Variants in SLC25A48 observed in about 807,000 individuals in gnomAD.
The protein encoded by SLC25A48 is CTC-321K16.1.
SLC25A48 carries 29 observed loss-of-function variants against 32.2 expected under a neutral mutation model. The ratio of observed to expected loss-of-function variants is 0.90; its 90% CI spans 0.67 to 1.23. The LOEUF is 1.23. SLC25A48 is among the 50% of genes most tolerant of loss of function. SLC25A48 has a pLI of 0.00. For synonymous variants in SLC25A48, 164 were observed against 172.3 expected (o/e 0.95, Z 0.38); for missense variants, 399 against 422.7 (o/e 0.94, Z 0.49).
rs1210360128 is a variant in SLC25A48 at position 135,629,870 on chromosome 5, G to T, written c.-709+494G>T. Among the ~76,000 whole-genome samples the T allele has an allele frequency of 6.6e-6, 1 of 152,192 alleles. No individual in the cohort carries two copies. The highest frequency in any genetic ancestry group is 6.5e-5 in the Admixed American group (1 of 15,284). On this transcript the variant is annotated intron_variant, in intron 2 of 10. Transcript: ENST00000646290. The surrounding 1 kb of genome is among the most constrained non-coding windows in gnomAD (Gnocchi z 4.8). ...AAAACCCTAGGGCAGAAACTATCAA[G>T]AACTTGCCGAAAGTAGTTGGAAGTC...
chr5:135,884,828 G>T (rs78544648), intron 7 of SLC25A48, among the ~76,000 whole-genome samples: 4,054 of 152,264 alleles, frequency 0.027, 71 homozygotes, highest in Non-Finnish European at 0.041. Context: ...TCTTCTACTG[G>T]GTGCTCCTGA....
At chr5:135,789,569 G>A (rs1472393865) in intron 3 of SLC25A48, among the ~76,000 whole-genome samples, 1 of 150,302 alleles carries the variant, frequency 6.7e-6, no homozygotes, top group Admixed American at 6.6e-5. Context: ...GTACAACCCT[G>A]TGCGATATGG....
At chr5:135,799,063 T>C (rs1580893092) in intron 3 of SLC25A48, among the ~76,000 whole-genome samples, 1 of 151,766 alleles carries the variant, frequency 6.6e-6, no homozygotes, top group Admixed American at 6.6e-5. Context: ...TTACTCCCAA[T>C]ATCGCAAAGA....
intron 3 of SLC25A48, among the ~76,000 whole-genome samples, chr5:135,656,380 G>A (rs1431223121): frequency 6.6e-6 from 1 of 152,116 alleles, no homozygotes; most frequent in African/African-American, 2.4e-5. Context: ...CCCAGATTGG[G>A]CACCAGACTA....
intron 1 of SLC25A48, among the ~76,000 whole-genome samples, chr5:135,585,614 A>G (rs565611968): frequency 6.6e-6 from 1 of 152,210 alleles, no homozygotes; most frequent in Non-Finnish European, 1.5e-5. Flanking sequence ...CTCAATGAAG[A>G]AATGATTGAA....
chr5:135,673,302 C>T (rs7709847), intron 3 of SLC25A48, among the ~76,000 whole-genome samples: 120,515 of 152,138 alleles, frequency 0.79, 48,106 homozygotes, highest in Middle Eastern at 0.89. Context: ...CAAATATATG[C>T]CAAACTGTTG....
intron 6 of SLC25A48, 57 bp downstream of exon 6, chr5:135,874,211 A>G: frequency 7.2e-7 from 1 of 1,398,300 alleles, no homozygotes; most frequent in Non-Finnish European, 9.2e-7. Context: ...TGGTTCACAC[A>G]TTTAGGGGGA....
intron 3 of SLC25A48, among the ~76,000 whole-genome samples, chr5:135,718,207 G>A (rs186924324): frequency 1.4e-4 from 22 of 152,254 alleles, no homozygotes; most frequent in African/African-American, 5.3e-4. Flanking sequence ...TTGGTGAGGG[G>A]TGAGGGAAGC....
chr5:135,638,349 C>T (rs2521967), intron 3 of SLC25A48, among the ~76,000 whole-genome samples: 70,283 of 151,928 alleles, frequency 0.46, 16,552 homozygotes, highest in Middle Eastern at 0.51. Flanking sequence ...ATGGCTTACA[C>T]TTTAATGTGC....
At chr5:135,835,801 A>C (rs1342832179) in intron 1 of SLC25A48, among the ~76,000 whole-genome samples, 1 of 152,090 alleles carries the variant, frequency 6.6e-6, no homozygotes, top group Non-Finnish European at 1.5e-5. Flanking sequence ...TGAAAAGAAC[A>C]ACAAACCAGA....
rs561408117 is a variant in SLC25A48, at chr5:135,880,074, C to A, written c.920C>A (p.Ala307Glu). 2.9e-5 allele frequency: 44 copies of A among 1,536,004 alleles called. No homozygotes were observed. The East Asian group carries it at 9.8e-4, about 34-fold the overall frequency. The change falls in exon 7 of 8, where the codon GCA becomes GAA. Residue 307 changes from alanine to glutamate, a missense_variant. Physicochemically the swap from Ala to Glu is moderately radical, Grantham distance 107. Transcript: ENST00000681962. ...LSLQAIRGDHAVTSP is the reference protein window; with the variant it reads ...LSLQAIRGDHEVTSP ...CTGCAGGCTATCCGCGGGGACCACG[C>A]AGTGACGAGCCCATAAGCGCCAGGT...
At chr5:135,679,867 C>T (rs141664432) in intron 3 of SLC25A48, among the ~76,000 whole-genome samples, 3 of 152,254 alleles carry the variant, frequency 2.0e-5, no homozygotes, top group African/African-American at 7.2e-5. Context: ...GGATCCAGTG[C>T]GAGCTTTCTC....
intron 7 of SLC25A48, among the ~76,000 whole-genome samples, chr5:135,881,618 T>C (rs1270227381): frequency 3.3e-5 from 5 of 152,242 alleles, no homozygotes; most frequent in Non-Finnish European, 7.3e-5. Flanking sequence ...GAATTCATCT[T>C]ATTCTTAAAG....
chr5:135,757,420 T>C (rs1054197174), intron 3 of SLC25A48, among the ~76,000 whole-genome samples: 6 of 148,732 alleles, frequency 4.0e-5, no homozygotes, highest in East Asian at 2.1e-4. Context: ...CACTATGATA[T>C]TGATAAAATA....
upstream of SLC25A48, among the ~76,000 whole-genome samples, chr5:135,834,231 C>T (rs930872575): frequency 1.3e-5 from 2 of 152,156 alleles, no homozygotes; most frequent in East Asian, 3.9e-4. Context: ...GAGCCAGGGC[C>T]AGGCAGGGAG....
chr5:135,834,846 C>G lies in SLC25A48; in HGVS notation c.-2C>G. ...CCGGGAGGGCGAGACCGAGCGCCGGCCATGGGAAGCTTCCAGCTGGAAGAC... is the reference window on the plus strand; with the variant it reads ...CCGGGAGGGCGAGACCGAGCGCCGGGCATGGGAAGCTTCCAGCTGGAAGAC... On this transcript the variant is annotated 5_prime_UTR_variant, in exon 1 of 8. Transcript: ENST00000681962. The G allele has an allele frequency of 6.3e-7, 1 of 1,598,376 alleles. No individual in the cohort carries two copies. The highest frequency in any genetic ancestry group is 8.5e-7 in the Non-Finnish European group (1 of 1,173,186).
chr5:135,608,967 A>T (rs1290798597), intron 1 of SLC25A48, among the ~76,000 whole-genome samples: 1 of 152,214 alleles, frequency 6.6e-6, no homozygotes, highest in South Asian at 2.1e-4. Flanking sequence ...GATATCTGCC[A>T]TGTTGGGCTC....
rs370924262 is a variant in SLC25A48 at position 135,595,583 on chromosome 5, G to A, written c.-849+15986G>A. 9.2e-5 allele frequency among the ~76,000 whole-genome samples: 14 copies of A among 152,344 alleles called. No individual in the cohort carries two copies. The South Asian group carries it at 1.0e-3, about 11-fold the overall frequency. On this transcript the variant is annotated intron_variant, in intron 1 of 10. Coordinates refer to the SLC25A48 transcript ENST00000646290. The stretch of plus-strand genomic sequence containing the variant: ...ACATAACATTCATGTTTGTGGGACT[G>A]TTGTGTGGTGGCAGAAAGGAGGGGG...
chr5:135,795,373 AAAT>A (rs1358265039), intron 3 of SLC25A48, among the ~76,000 whole-genome samples: 2 of 151,678 alleles, frequency 1.3e-5, no homozygotes, highest in Non-Finnish European at 2.9e-5. Context: ...TTGGGGGAGA[AAAT>A]AATATTAATC....
Sources: allele counts gnomAD v4.1 joint callset (sites outside exome capture counted in the v4.1 genomes callset), GRCh38; gene constraint gnomAD v4.1.1; non-coding constraint Gnocchi (gnomAD v3.1); transcripts MANE v1.5; gene names NCBI Gene and HGNC (gene_info 2026-07-23, HGNC 2026-07-21).